The following SORCS1 variants were observed in gnomAD, a reference collection of about 807,000 sequenced individuals.
SORCS1 encodes sortilin related VPS10 domain containing receptor 1.
A neutral mutation model predicts 146.1 loss-of-function variants in SORCS1; 60 were observed. That is an observed-to-expected ratio of 0.41 (90% CI 0.33 to 0.51). SORCS1 has a LOEUF of 0.51. Among genes scored for constraint, SORCS1 ranks in the 20% least tolerant of loss-of-function variants. The pLI is 0.21. For synonymous variants in SORCS1, 637 were observed against 584.0 expected (o/e 1.09, Z -1.31); for missense variants, 1,352 against 1,487.6 (o/e 0.91, Z 1.50).
intron 1 of SORCS1, among the ~76,000 whole-genome samples, chr10:107,061,931 T>C (rs9664158): frequency 2.6e-5 from 4 of 152,280 alleles, no homozygotes; most frequent in South Asian, 4.1e-4. Context: ...AGCGGACATA[T>C]TGGTAGCTAA....
At chr10:107,008,865 C>T (rs1054977758) in intron 1 of SORCS1, among the ~76,000 whole-genome samples, 3 of 152,154 alleles carry the variant, frequency 2.0e-5, no homozygotes, top group Non-Finnish European at 2.9e-5. Flanking sequence ...GGCATGGTGG[C>T]GGGTGCCTGT....
At chr10:107,137,149 C>T (rs1967373072) in intron 1 of SORCS1, among the ~76,000 whole-genome samples, 1 of 152,182 alleles carries the variant, frequency 6.6e-6, no homozygotes, top group African/African-American at 2.4e-5. Flanking sequence ...AGCCATCATT[C>T]CTCCAGCCTG....
rs544158002 is a variant in SORCS1, at chr10:106,736,465, G to T, written c.960-6351C>A. ...ATAAACAAAGTCCATGAGGGCAACAGGTCCTGTCTGCTACCAAAGTGCCTG... is the reference window on the plus strand; with the variant it reads ...ATAAACAAAGTCCATGAGGGCAACATGTCCTGTCTGCTACCAAAGTGCCTG... On this transcript the variant is annotated intron_variant, in intron 5 of 25. Transcript: ENST00000263054. Among the ~76,000 whole-genome samples, 6 of 152,206 alleles carry T rather than the reference G, an allele frequency of 3.9e-5. No homozygotes were observed. The South Asian group carries it at 1.0e-3, about 26-fold the overall frequency.
intron 6 of SORCS1, among the ~76,000 whole-genome samples, chr10:106,714,938 C>G (rs12264776): frequency 0.037 from 5,681 of 152,206 alleles, 315 homozygotes; most frequent in African/African-American, 0.12. Flanking sequence ...AAGAAAAGCC[C>G]CGGAAGAGGT....
chr10:106,914,318 C>T (rs1341208476), intron 2 of SORCS1, among the ~76,000 whole-genome samples: 3 of 151,962 alleles, frequency 2.0e-5, no homozygotes, highest in South Asian at 4.1e-4. Flanking sequence ...CTGTTAAATT[C>T]GTAGTTAAGG....
At chr10:106,939,434 T>C (rs1373702861) in intron 2 of SORCS1, among the ~76,000 whole-genome samples, 4 of 152,246 alleles carry the variant, frequency 2.6e-5, no homozygotes, top group Non-Finnish European at 1.5e-5. Context: ...GGGGCGATGA[T>C]GCAGGACATT....
At chr10:106,864,179 T>C (rs774244769) in intron 2 of SORCS1, among the ~76,000 whole-genome samples, 1 of 152,002 alleles carries the variant, frequency 6.6e-6, no homozygotes, top group Non-Finnish European at 1.5e-5. Flanking sequence ...AGTGAGTAAA[T>C]ACATATTCAA....
chr10:107,074,405 ATTTT>A (rs1962708880), intron 1 of SORCS1, among the ~76,000 whole-genome samples: 2 of 152,050 alleles, frequency 1.3e-5, no homozygotes, highest in African/African-American at 4.8e-5. Flanking sequence ...GTAATACTCC[ATTTT>A]CTGGATGGTG....
intron 2 of SORCS1, among the ~76,000 whole-genome samples, chr10:106,892,106 T>C (rs531400465): frequency 6.6e-6 from 1 of 152,334 alleles, no homozygotes; most frequent in Admixed American, 6.5e-5. Flanking sequence ...CCTGGCATTT[T>C]ATAACCTACA....
chr10:106,914,696 G>T (rs943587175), intron 2 of SORCS1, among the ~76,000 whole-genome samples: 1 of 152,038 alleles, frequency 6.6e-6, no homozygotes, highest in Non-Finnish European at 1.5e-5. Flanking sequence ...TCCTATTATC[G>T]AATTATCCAA....
intron 2 of SORCS1, among the ~76,000 whole-genome samples, chr10:106,892,993 C>T (rs61867348): frequency 6.6e-6 from 1 of 150,866 alleles, no homozygotes; most frequent in Non-Finnish European, 1.5e-5. Context: ...CTCCCAGGTT[C>T]AAGCTATTCT....
intron 1 of SORCS1, among the ~76,000 whole-genome samples, chr10:107,014,234 A>G (rs1245879431): frequency 1.4e-5 from 2 of 148,016 alleles, no homozygotes; most frequent in East Asian, 3.9e-4. Context: ...CCTGGACCAG[A>G]CAGAGGGAGA....
chr10:106,716,650 C>T (rs1310574632), intron 6 of SORCS1, among the ~76,000 whole-genome samples: 1 of 152,166 alleles, frequency 6.6e-6, no homozygotes, highest in African/African-American at 2.4e-5. Flanking sequence ...TTTCCTGTTA[C>T]TCAGTCCAAA....
intron 1 of SORCS1, among the ~76,000 whole-genome samples, chr10:106,968,207 C>CAA (rs1167838019): frequency 2.8e-5 from 4 of 141,058 alleles, no homozygotes; most frequent in South Asian, 2.3e-4. Context: ...GACTTCGTCT[C>CAA]AAAAAAAAAA....
At chr10:107,063,733 T>C (rs927752915) in intron 1 of SORCS1, among the ~76,000 whole-genome samples, 1 of 152,218 alleles carries the variant, frequency 6.6e-6, no homozygotes, top group African/African-American at 2.4e-5. Flanking sequence ...ACAATTTATA[T>C]GAGCACATGT....
At chr10:106,959,095 C>T (rs997554570) in intron 1 of SORCS1, among the ~76,000 whole-genome samples, 1 of 152,176 alleles carries the variant, frequency 6.6e-6, no homozygotes, top group Admixed American at 6.5e-5. Context: ...AACCCTTTAA[C>T]CCAGCATGTG....
intron 1 of SORCS1, among the ~76,000 whole-genome samples, chr10:107,022,328 T>C (rs569941633): frequency 4.7e-4 from 72 of 152,284 alleles, no homozygotes; most frequent in Non-Finnish European, 8.5e-4. Flanking sequence ...TCCAGACCAA[T>C]CTTAAATCAA....
chr10:107,071,034 C>T (rs1324865409), intron 1 of SORCS1, among the ~76,000 whole-genome samples: 4 of 152,130 alleles, frequency 2.6e-5, no homozygotes, highest in Non-Finnish European at 5.9e-5. Flanking sequence ...AAATGCAAAA[C>T]GTAAACATTT....
intron 2 of SORCS1, among the ~76,000 whole-genome samples, chr10:106,918,827 T>G (rs775220425): frequency 3.1e-4 from 47 of 151,734 alleles, no homozygotes; most frequent in Non-Finnish European, 1.0e-4. Flanking sequence ...TAATTGAAAA[T>G]TGTATAGTGT....
Sources: allele counts gnomAD v4.1 joint callset (sites outside exome capture counted in the v4.1 genomes callset), GRCh38; gene constraint gnomAD v4.1.1; transcripts MANE v1.5; gene names NCBI Gene and HGNC (gene_info 2026-07-23, HGNC 2026-07-21).